Variants in NCAPD2 observed in about 807,000 individuals in gnomAD.
NCAPD2 encodes the protein non-SMC condensin I complex subunit D2.
Under a neutral mutation model 164.5 loss-of-function variants are expected in NCAPD2, and 100 were observed. That is an observed-to-expected ratio of 0.61 (90% CI 0.52 to 0.72). The LOEUF (loss-of-function observed/expected upper bound fraction) is 0.72, where lower values mean the gene tolerates loss of function less well. Ranked by LOEUF, NCAPD2 falls within the 30% of genes least tolerant of loss-of-function variation. The pLI, the probability that NCAPD2 is intolerant of heterozygous loss-of-function variation, is 0.00. For missense variants in NCAPD2, 1,560 were observed against 1,749.2 expected (o/e 0.89, Z 1.93); for synonymous variants, 585 against 642.6 (o/e 0.91, Z 1.36).
intron 8 of NCAPD2, 60 bp from the exon 9 acceptor site, chr12:6,514,713 C>T: frequency 6.2e-7 from 1 of 1,608,144 alleles, no homozygotes; most frequent in Non-Finnish European, 8.5e-7. Flanking sequence ...CTTACCTTCC[C>T]TTACTGGGAA....
chr12:6,516,107 G>C (rs1232036893), intron 9 of NCAPD2, among the ~76,000 whole-genome samples: 1 of 149,790 alleles, frequency 6.7e-6, no homozygotes, highest in African/African-American at 2.5e-5. Context: ...GAAGTGGGAG[G>C]GTTGCTTGAA....
chr12:6,503,008 C>CTTTTTTTTTTT (rs58563520), intron 2 of NCAPD2, among the ~76,000 whole-genome samples: 19 of 86,300 alleles, frequency 2.2e-4, no homozygotes, highest in Non-Finnish European at 3.9e-4. Flanking sequence ...CCACACCTGG[C>CTTTTTTTTTTT]TTTTTTTTTT....
intron 2 of NCAPD2, among the ~76,000 whole-genome samples, chr12:6,505,969 G>GT (rs201953760): frequency 4.6e-4 from 68 of 148,744 alleles, no homozygotes; most frequent in African/African-American, 1.2e-3. Context: ...GTTTTTTGGT[G>GT]TTTTTTTTTT....
rs1946266851 is a variant in NCAPD2, at chr12:6,521,896, C to T, written c.1813C>T (p.Pro605Ser). Residue 605 changes from proline (P) to serine (S), a missense_variant, in exon 15 of 32, where the codon CCT (proline) becomes TCT (serine). Pro to Ser is a moderately conservative substitution (Grantham distance 74). Transcript: ENST00000315579. ...VCKNKPNMSD[P>S]EESRGNDELV... ...TAAAAATAAACCCAATATGTCGGAT[C>T]CTGAGGAATCCAGGGGAAATGATGA... 6.2e-7 allele frequency: 1 copy of T among 1,613,928 alleles called. No homozygotes were observed. Among genetic ancestry groups the T allele is most frequent in the South Asian group, 1.1e-5 (1 of 91,076 alleles).
intron 13 of NCAPD2, among the ~76,000 whole-genome samples, chr12:6,520,192 ATAT>A (rs1296311138): frequency 7.1e-6 from 1 of 140,046 alleles, no homozygotes; most frequent in African/African-American, 2.8e-5. Flanking sequence ...AAAAAAAAAA[ATAT>A]ATATATATAT....
intron 6 of NCAPD2, among the ~76,000 whole-genome samples, chr12:6,512,298 GA>G (rs1946158328): frequency 2.1e-5 from 3 of 144,238 alleles, no homozygotes; most frequent in Admixed American, 6.9e-5. Context: ...AAAAAAGATA[GA>G]TAGATAGATA....
chr12:6,521,611 CG>C (rs1351055975), intron 14 of NCAPD2, among the ~76,000 whole-genome samples, 186 bp from the exon 15 acceptor site: 2 of 152,088 alleles, frequency 1.3e-5, no homozygotes, highest in Non-Finnish European at 2.9e-5. Context: ...CACCTTAGCC[CG>C]GGGAAGTTGA....
chr12:6,525,525 G>A, intron 17 of NCAPD2, 58 bp from the exon 18 acceptor site: 1 of 1,561,198 alleles, frequency 6.4e-7, no homozygotes, highest in Non-Finnish European at 8.7e-7. Flanking sequence ...CAGAAAAGCA[G>A]ACCAAAGATC....
rs747280396 is a variant in NCAPD2, at chr12:6,529,543, GCAGA to G, written c.3608_3611del (p.Thr1203ArgfsTer64). On this transcript the variant is annotated frameshift_variant, in exon 28 of 32. Coordinates refer to ENST00000315579, the MANE Select transcript of NCAPD2 (RefSeq NM_014865.4). LOFTEE classifies it high-confidence loss of function. The stretch of plus-strand genomic sequence containing the variant: ...TCCTCTCCTACATCACCAAGGACAA[GCAGA>G]CAGAGAGCCTGGTGGAAAAGCTGTG... 1 of 1,614,140 alleles carries G rather than the reference GCAGA, an allele frequency of 6.2e-7. No individual in the cohort carries two copies. Among genetic ancestry groups the G allele is most frequent in the Non-Finnish European group, 8.5e-7 (1 of 1,180,018 alleles).
chr12:6,510,006 A>G, intron 3 of NCAPD2, 69 bp from the exon 4 acceptor site: 1 of 1,503,450 alleles, frequency 6.7e-7, no homozygotes, highest in Non-Finnish European at 9.2e-7. Context: ...CACGGGTTAG[A>G]TCTGATCTGT....
At position 6,528,947 on chromosome 12, in the gene NCAPD2, C is replaced by A; in HGVS notation, c.3480C>A (p.Gly1160=). 6.2e-7 allele frequency: 1 copy of A among 1,614,122 alleles called. No individual in the cohort carries two copies. ...KNFFNELSHK[G]NAIYNLLPDI... is the part of the protein sequence containing the mutation. ...ACATGGCTCTCTCTGTCTTACAGGG[C>A]AACGCAATCTATAATCTCCTTCCAG... The change falls in exon 27 of 32, where the codon GGC becomes GGA. Residue 1160 remains glycine, a splice_region_variant and synonymous_variant. Coordinates refer to ENST00000315579, the MANE Select transcript of NCAPD2 (RefSeq NM_014865.4). The surrounding 1 kb of genome is among the most constrained non-coding windows in gnomAD (Gnocchi z 5.1).
intron 15 of NCAPD2, among the ~76,000 whole-genome samples, chr12:6,522,445 G>A (rs530568583): frequency 6.6e-6 from 1 of 152,108 alleles, no homozygotes; most frequent in South Asian, 2.1e-4. Flanking sequence ...AACTAACTGG[G>A]CGTGATGGCA....
Position 6,531,278 on chromosome 12 carries a change from AC to A in NCAPD2, c.4121-47del. 2.5e-6 allele frequency: 4 copies of A among 1,569,960 alleles called. No homozygotes were observed. Among genetic ancestry groups the A allele is most frequent in the Non-Finnish European group, 3.5e-6 (4 of 1,145,904 alleles). On this transcript the variant is annotated intron_variant, in intron 31 of 31. Coordinates refer to ENST00000315579, the MANE Select transcript of NCAPD2 (RefSeq NM_014865.4). This position sits in a 1 kb window ranked among gnomAD's most constrained non-coding sequence, Gnocchi z 4.1. ...CTTGTTCTCTGATATCTATTTTTTC[AC>A]CATCTTTGTGACTCAGCTTTTTCTT...
At chr12:6,500,344 C>T (rs1190981333) in intron 2 of NCAPD2, among the ~76,000 whole-genome samples, 6 of 152,176 alleles carry the variant, frequency 3.9e-5, no homozygotes, top group African/African-American at 7.2e-5. Flanking sequence ...CTTGCTGTTA[C>T]GTCACGTTTG....
At chr12:6,518,517 T>TTTTTTTTTG (rs1565544183) in intron 13 of NCAPD2, among the ~76,000 whole-genome samples, 3 of 113,054 alleles carry the variant, frequency 2.7e-5, no homozygotes, top group Admixed American at 9.3e-5. Flanking sequence ...TTTTTTTTTT[T>TTTTTTTTTG]TTTTTTTTTT....
Position 6,514,498 on chromosome 12 carries a change from CT to C in NCAPD2, c.753del (p.Phe251LeufsTer12). The C allele has an allele frequency of 6.2e-7, 1 of 1,614,174 alleles. No homozygotes were observed. Among genetic ancestry groups the C allele is most frequent in the Non-Finnish European group, 8.5e-7 (1 of 1,180,036 alleles). On this transcript the variant is annotated frameshift_variant, in exon 8 of 32. Coordinates refer to ENST00000315579, the MANE Select transcript of NCAPD2 (RefSeq NM_014865.4). LOFTEE classifies it high-confidence loss of function. ...TGAAGATCATCCAGATGCTGCAGCA[CT>C]TTGAACACCTGGCACCTGTACTGGT... ...TVKIIQMLQH[F>X]EHLAPVLVAA...
At chr12:6,521,281 GAT>G (rs1946261395) in intron 14 of NCAPD2, among the ~76,000 whole-genome samples, 171 bp downstream of exon 14, 1 of 152,370 alleles carries the variant, frequency 6.6e-6, no homozygotes, top group East Asian at 1.9e-4. Flanking sequence ...GCCTAAGATT[GAT>G]AGTCACAGGG....
At chr12:6,527,112 C>T in intron 22 of NCAPD2, 49 bp downstream of exon 22, 1 of 1,524,616 alleles carries the variant, frequency 6.6e-7, no homozygotes, top group Non-Finnish European at 8.8e-7. Context: ...TACCTCAGCT[C>T]AGAACTGAGC....
At chr12:6,501,227 A>ATTTTTTTT (rs71067121) in intron 2 of NCAPD2, among the ~76,000 whole-genome samples, 1 of 69,214 alleles carries the variant, frequency 1.4e-5, no homozygotes, top group Non-Finnish European at 2.4e-5. Context: ...CGCCTGGCTA[A>ATTTTTTTT]TTTTTTTTTT....
Sources: allele counts gnomAD v4.1 joint callset (sites outside exome capture counted in the v4.1 genomes callset), GRCh38; gene constraint gnomAD v4.1.1; non-coding constraint Gnocchi (gnomAD v3.1); transcripts MANE v1.5; gene names NCBI Gene and HGNC (gene_info 2026-07-23, HGNC 2026-07-21).